The following CHD6 variants were observed in gnomAD, a reference collection of about 807,000 sequenced individuals.
CHD6 encodes the protein ATP-dependent chromatin remodeler CHD6.
CHD6 carries 50 observed loss-of-function variants against 276.9 expected under a neutral mutation model. The observed-to-expected ratio is 0.18, with a 90% CI of 0.14 to 0.23. The LOEUF is 0.23. Ranked by LOEUF, CHD6 falls within the 10% of genes least tolerant of loss-of-function variation. The probability of loss-of-function intolerance (pLI) is 1.00; values close to 1 mark genes in which losing one functional copy is unlikely to be tolerated. For missense variants in CHD6, 2,564 were observed against 3,365.8 expected, an observed-to-expected ratio of 0.76 and a Z score of 5.89; for synonymous variants, 1,173 against 1,229.3, an observed-to-expected ratio of 0.95 and a Z score of 0.96.
chr20:41,441,312 C>T (rs2145604176), intron 25 of CHD6, among the ~76,000 whole-genome samples: 1 of 152,280 alleles, frequency 6.6e-6, no homozygotes, highest in Admixed American at 6.5e-5. Context: ...TCGGTTTTGC[C>T]TAGATTCTTT....
chr20:41,600,926 A>G (rs1440009232), intron 1 of CHD6, among the ~76,000 whole-genome samples: 1 of 152,190 alleles, frequency 6.6e-6, no homozygotes, highest in Non-Finnish European at 1.5e-5. Flanking sequence ...GTTGAGGCAT[A>G]GGATCCCAAT....
chr20:41,602,470 A>T (rs2045783512), intron 1 of CHD6, among the ~76,000 whole-genome samples: 1 of 152,138 alleles, frequency 6.6e-6, no homozygotes, highest in Non-Finnish European at 1.5e-5. Context: ...CAGTTTGCTC[A>T]AGTTTAAGGG....
In CHD6 at chr20:41,452,062, A is replaced by G; in HGVS notation, c.3324-37T>C. The G allele has an allele frequency of 6.4e-7, 1 of 1,550,810 alleles. No homozygotes were observed. Among genetic ancestry groups the G allele is most frequent in the Non-Finnish European group, 8.9e-7 (1 of 1,124,666 alleles). On this transcript the variant is annotated intron_variant, in intron 21 of 36. Transcript: ENST00000373233. This position sits in a 1 kb window ranked among gnomAD's most constrained non-coding sequence, Gnocchi z 4.2. ...CATACAGACAGGTGTTGGAGGGAGAATGGACCAGGCCATGCAGGCAGCCTC... is the reference window on the plus strand; with the variant it reads ...CATACAGACAGGTGTTGGAGGGAGAGTGGACCAGGCCATGCAGGCAGCCTC...
intron 1 of CHD6, among the ~76,000 whole-genome samples, chr20:41,554,194 A>G (rs1274164249): frequency 6.6e-6 from 1 of 152,136 alleles, no homozygotes; most frequent in Non-Finnish European, 1.5e-5. Context: ...CAATGTTAAT[A>G]AAAAATTACT....
chr20:41,529,769 AGAGG>A (rs1420049835), intron 3 of CHD6, among the ~76,000 whole-genome samples: 1 of 152,086 alleles, frequency 6.6e-6, no homozygotes, highest in African/African-American at 2.4e-5. Context: ...TCTGAATAAC[AGAGG>A]AAGGAGTCTG....
chr20:41,506,982 G>A (rs1402964829), intron 5 of CHD6, among the ~76,000 whole-genome samples: 2 of 152,190 alleles, frequency 1.3e-5, no homozygotes, highest in East Asian at 3.8e-4. Flanking sequence ...AATTAGAAGA[G>A]GCTCTGGAAA....
intron 1 of CHD6, among the ~76,000 whole-genome samples, chr20:41,602,339 A>G (rs1217015771): frequency 6.6e-6 from 1 of 152,190 alleles, no homozygotes; most frequent in Non-Finnish European, 1.5e-5. Flanking sequence ...TGGCACCACA[A>G]ACCACAAAAA....
intron 14 of CHD6, among the ~76,000 whole-genome samples, chr20:41,486,846 G>A (rs527262217): frequency 1.4e-5 from 2 of 146,066 alleles, no homozygotes; most frequent in East Asian, 4.0e-4. Context: ...ATTATGCTGG[G>A]TTTTTTTTTT....
chr20:41,532,281 T>C (rs2044704596), intron 3 of CHD6, among the ~76,000 whole-genome samples: 1 of 152,192 alleles, frequency 6.6e-6, no homozygotes, highest in African/African-American at 2.4e-5. Context: ...TGTCAAGCAC[T>C]GTGCTAGACA....
intron 1 of CHD6, among the ~76,000 whole-genome samples, chr20:41,554,977 C>A (rs1471683671): frequency 6.6e-6 from 1 of 151,014 alleles, no homozygotes; most frequent in Non-Finnish European, 1.5e-5. Context: ...GCGCCCCTCA[C>A]CTCCCGGACG....
rs148480354 is a variant in CHD6 at position 41,404,605 on chromosome 20, G to A, written c.8136C>T (p.Asn2712=). 4.5e-5 allele frequency: 66 copies of A among 1,480,602 alleles called. No individual in the cohort carries two copies. Among genetic ancestry groups the A allele is most frequent in the African/African-American group, 3.6e-4 (26 of 71,408 alleles). The allele number at this position is 1,480,602 out of a possible 1,614,324, so 91.7% of individuals were successfully genotyped here. Reference sequence around the variant, plus strand: ...AATGAAAAAAGTTCTAATTGGTGTCGTTGTTGGAGTCTTTGAGTGCCCCCT... The same window carrying A: ...AATGAAAAAAGTTCTAATTGGTGTCATTGTTGGAGTCTTTGAGTGCCCCCT... The part of the protein sequence containing the change: ...AGEGALKDSN[N]DTN Residue 2712 remains asparagine (N), a synonymous_variant, in exon 37 of 37, where the codon AAC becomes AAT. Coordinates refer to ENST00000373233, the MANE Select transcript of CHD6 (RefSeq NM_032221.5).
intron 1 of CHD6, among the ~76,000 whole-genome samples, chr20:41,581,695 A>G (rs1236863509): frequency 6.6e-6 from 1 of 151,718 alleles, no homozygotes; most frequent in East Asian, 1.9e-4. Flanking sequence ...AAAAATCACC[A>G]TTATCACCAC....
chr20:41,489,710 G>C (rs929434394), intron 12 of CHD6, 68 bp downstream of exon 12: 4 of 1,596,438 alleles, frequency 2.5e-6, no homozygotes, highest in Non-Finnish European at 3.4e-6. Context: ...AACTTCTGAA[G>C]ATAAGTGACA....
At chr20:41,410,137 A>T (rs1011660419) in intron 36 of CHD6, among the ~76,000 whole-genome samples, 1 of 152,310 alleles carries the variant, frequency 6.6e-6, no homozygotes, top group South Asian at 2.1e-4. Flanking sequence ...TTCTAAAAAG[A>T]GGGGTAGGGT....
intron 3 of CHD6, among the ~76,000 whole-genome samples, chr20:41,524,026 T>C (rs2044467439): frequency 6.6e-6 from 1 of 152,200 alleles, no homozygotes; most frequent in Non-Finnish European, 1.5e-5. Flanking sequence ...ATGATCCCAA[T>C]GACTGCCTCC....
chr20:41,554,063 T>C, intron 1 of CHD6, among the ~76,000 whole-genome samples: 1 of 152,102 alleles, frequency 6.6e-6, no homozygotes, highest in Non-Finnish European at 1.5e-5. Flanking sequence ...GGTAGGAGGA[T>C]CATCTGAGTC....
At chr20:41,464,140 T>C (rs538655235) in intron 17 of CHD6, among the ~76,000 whole-genome samples, 7 of 152,178 alleles carry the variant, frequency 4.6e-5, no homozygotes, top group Non-Finnish European at 1.0e-4. Context: ...GAAATAAAAA[T>C]GTATAAACAT....
intron 15 of CHD6, 76 bp downstream of exon 15, chr20:41,484,276 T>G (rs2043361787): frequency 2.0e-6 from 3 of 1,515,504 alleles, no homozygotes; most frequent in Admixed American, 1.7e-5. Context: ...ATTCAATACA[T>G]GAGTTATTTG....
intron 22 of CHD6, 130 bp from the exon 23 acceptor site, chr20:41,451,235 T>G: frequency 1.4e-6 from 1 of 729,432 alleles, no homozygotes; most frequent in Non-Finnish European, 2.3e-6. Context: ...CCCTACTCCT[T>G]AGCCCACAGG....
Sources: allele counts gnomAD v4.1 joint callset (sites outside exome capture counted in the v4.1 genomes callset), GRCh38; gene constraint gnomAD v4.1.1; non-coding constraint Gnocchi (gnomAD v3.1); transcripts MANE v1.5; gene names NCBI Gene and HGNC (gene_info 2026-07-23, HGNC 2026-07-21).